The following TBX20 variants were observed in gnomAD, a reference collection of about 807,000 sequenced individuals.
The protein encoded by TBX20 is T-box transcription factor TBX20.
A neutral mutation model predicts 42.9 loss-of-function variants in TBX20; 8 were observed. That is an observed-to-expected ratio of 0.19 (90% CI 0.11 to 0.34). TBX20 has a LOEUF of 0.34. TBX20 is among the 10% of genes least tolerant of loss of function. The probability of loss-of-function intolerance (pLI) is 1.00; values close to 1 mark genes in which losing one functional copy is unlikely to be tolerated. For missense variants in TBX20, 411 were observed against 566.0 expected, an observed-to-expected ratio of 0.73 and a Z score of 2.78; for synonymous variants, 198 against 222.8, an observed-to-expected ratio of 0.89 and a Z score of 0.99.
intron 6 of TBX20, among the ~76,000 whole-genome samples, chr7:35,216,680 A>G (rs1789596823): frequency 6.6e-6 from 1 of 152,232 alleles, no homozygotes; most frequent in Non-Finnish European, 1.5e-5. Context: ...ATAACTTGCC[A>G]TGCTTTGTTT....
At chr7:35,214,884 A>G (rs939510686) in intron 6 of TBX20, among the ~76,000 whole-genome samples, 6 of 152,200 alleles carry the variant, frequency 3.9e-5, no homozygotes, top group African/African-American at 1.4e-4. Context: ...GTACATTTAT[A>G]AAGGATTTGC....
chr7:35,237,675 GT>G (rs1170040302), intron 5 of TBX20, among the ~76,000 whole-genome samples: 1 of 152,020 alleles, frequency 6.6e-6, no homozygotes. Flanking sequence ...TATTTGTTTC[GT>G]TTTTTGTATA....
chr7:35,251,770 T>C (rs760069463), intron 1 of TBX20, among the ~76,000 whole-genome samples: 8 of 152,218 alleles, frequency 5.3e-5, no homozygotes, highest in East Asian at 1.9e-4. Flanking sequence ...CCCCACTCTA[T>C]AGTTTGCTTC....
At chr7:35,206,412 G>C (rs1789401658) in intron 6 of TBX20, among the ~76,000 whole-genome samples, 1 of 152,148 alleles carries the variant, frequency 6.6e-6, no homozygotes, top group Non-Finnish European at 1.5e-5. Context: ...GCCAGGCATG[G>C]TGGTGGGCAC....
chr7:35,220,623 C>G (rs959899673), intron 6 of TBX20, among the ~76,000 whole-genome samples: 1 of 152,198 alleles, frequency 6.6e-6, no homozygotes, highest in Non-Finnish European at 1.5e-5. Context: ...GAAGATCTAA[C>G]AAACAGCTTC....
At chr7:35,221,643 C>T (rs1056819926) in intron 6 of TBX20, among the ~76,000 whole-genome samples, 6 of 152,142 alleles carry the variant, frequency 3.9e-5, no homozygotes, top group African/African-American at 9.7e-5. Flanking sequence ...TCATACATAA[C>T]GGCAATGGAG....
At chr7:35,233,871 A>G (rs1159160667) in intron 5 of TBX20, among the ~76,000 whole-genome samples, 3 of 152,264 alleles carry the variant, frequency 2.0e-5, no homozygotes, top group African/African-American at 7.2e-5. Context: ...GCACTGCGCT[A>G]GATGTCGGAT....
chr7:35,215,368 T>G (rs1422967059), intron 6 of TBX20, among the ~76,000 whole-genome samples: 1 of 152,168 alleles, frequency 6.6e-6, no homozygotes, highest in African/African-American at 2.4e-5. Context: ...CAGGCCATGA[T>G]GTTTACTTTA....
intron 6 of TBX20, among the ~76,000 whole-genome samples, chr7:35,226,223 T>TA (rs1562561565): frequency 1.3e-5 from 2 of 151,968 alleles, no homozygotes; most frequent in Non-Finnish European, 1.5e-5. Flanking sequence ...TTTTCTAGGA[T>TA]AGAAATCAAA....
chr7:35,248,064 G>A (rs755116239), intron 3 of TBX20, among the ~76,000 whole-genome samples: 6 of 152,162 alleles, frequency 3.9e-5, no homozygotes, highest in African/African-American at 7.2e-5. Context: ...TGTTAACTGA[G>A]GAATGTTTCA....
At position 35,210,175 on chromosome 7, in the gene TBX20, C is replaced by T. The variant is rs187480804; in HGVS notation, c.891-5593G>A. Among the ~76,000 whole-genome samples, 1,416 of 146,196 alleles carry T rather than the reference C, an allele frequency of 9.7e-3. 9 individuals carry two copies. Among genetic ancestry groups the T allele is most frequent in the Non-Finnish European group, 0.013 (901 of 67,304 alleles). On this transcript the variant is annotated intron_variant, in intron 6 of 7. Transcript: ENST00000408931. The stretch of plus-strand genomic sequence containing the variant: ...TGTCGCCCAGGCTGGAGTGCAGTGG[C>T]GCAATCTCAGCTCACTGCAAGCTCT...
chr7:35,210,872 G>A (rs569850955), intron 6 of TBX20, among the ~76,000 whole-genome samples: 69 of 152,128 alleles, frequency 4.5e-4, no homozygotes, highest in African/African-American at 1.4e-3. Context: ...GATGTGTAGT[G>A]CATTTATATT....
chr7:35,216,074 G>A (rs995751111), intron 6 of TBX20, among the ~76,000 whole-genome samples: 1 of 152,008 alleles, frequency 6.6e-6, no homozygotes, highest in Non-Finnish European at 1.5e-5. Flanking sequence ...GCAATTATAC[G>A]TTTTCAGGTC....
At chr7:35,217,023 A>G (rs1382194916) in intron 6 of TBX20, among the ~76,000 whole-genome samples, 1 of 152,176 alleles carries the variant, frequency 6.6e-6, no homozygotes, top group Non-Finnish European at 1.5e-5. Flanking sequence ...TTAATAAATG[A>G]AAACTTTAGA....
At position 35,246,695 on chromosome 7, in the gene TBX20, C is replaced by T. The variant is rs148152070; in HGVS notation, c.546-1638G>A. ...ATGAACTTCAGCCTGAACTAAAATG[C>T]TTCAAAGTCCTAAAACCATGGGAAA... On this transcript the variant is annotated intron_variant, in intron 3 of 7. Transcript: ENST00000408931. 3.8e-3 allele frequency among the ~76,000 whole-genome samples: 582 copies of T among 152,132 alleles called. 1 individual carries two copies. Among genetic ancestry groups the T allele is most frequent in the African/African-American group, 0.013 (546 of 41,498 alleles).
chr7:35,223,653 GT>G (rs1281864239), intron 6 of TBX20, among the ~76,000 whole-genome samples: 5 of 152,170 alleles, frequency 3.3e-5, no homozygotes, highest in African/African-American at 1.2e-4. Context: ...GGAAGATGAG[GT>G]CTGAGAACTG....
intron 5 of TBX20, among the ~76,000 whole-genome samples, chr7:35,234,853 C>T (rs928810251): frequency 1.1e-4 from 17 of 152,132 alleles, no homozygotes; most frequent in African/African-American, 3.1e-4. Flanking sequence ...GTTGATGCTA[C>T]ACATTCCTGA....
intron 5 of TBX20, among the ~76,000 whole-genome samples, chr7:35,240,028 G>T (rs1562565149): frequency 6.6e-6 from 1 of 152,184 alleles, no homozygotes; most frequent in African/African-American, 2.4e-5. Flanking sequence ...GGGATTACAG[G>T]CATGTGCCAC....
intron 6 of TBX20, among the ~76,000 whole-genome samples, chr7:35,229,172 C>G (rs112055357): frequency 2.2e-4 from 33 of 152,100 alleles, no homozygotes; most frequent in African/African-American, 8.0e-4. Context: ...ACATCATATT[C>G]AATTAGGTTA....
Sources: gnomAD v4.1 joint callset for allele counts (sites outside exome capture counted in the v4.1 genomes callset) on GRCh38, gnomAD v4.1.1 for gene constraint, MANE v1.5 for transcripts, NCBI Gene and HGNC (gene_info 2026-07-23, HGNC 2026-07-21) for gene names.